BET1: variants seen among roughly 807,000 people sequenced by gnomAD.
BET1 encodes Bet1 golgi vesicular membrane trafficking protein.
BET1 carries 9 observed loss-of-function variants against 13.9 expected under a neutral mutation model. The ratio of observed to expected loss-of-function variants is 0.65; its 90% CI spans 0.39 to 1.13. BET1 has a LOEUF of 1.13. BET1 is among the 50% of genes most tolerant of loss of function. The probability of loss-of-function intolerance (pLI) is 0.01; values close to 1 mark genes in which losing one functional copy is unlikely to be tolerated. For synonymous variants in BET1, 39 were observed against 47.3 expected (o/e 0.82, Z 0.72); for missense variants, 127 against 133.6 (o/e 0.95, Z 0.24).
Position 93,971,032 on chromosome 7 carries a change from G to T in BET1, c.*137+1543C>A, listed in dbSNP as rs560620781. 2.6e-5 allele frequency among the ~76,000 whole-genome samples: 4 copies of T among 151,832 alleles called. No individual in the cohort carries two copies. In the South Asian group the frequency reaches 8.3e-4, roughly 31 times the overall value. The stretch of plus-strand genomic sequence containing the variant: ...ATTACTTATAATAGCAAGTACTGAA[G>T]ATTGTAATTTATGTTATTATGTTAT... On this transcript the variant is annotated intron_variant and NMD_transcript_variant, in intron 6 of 6. Transcript: ENST00000357520.
downstream of BET1, among the ~76,000 whole-genome samples, chr7:93,988,705 C>G (rs1449642730): frequency 6.6e-6 from 1 of 152,002 alleles, no homozygotes; most frequent in Admixed American, 6.6e-5. Context: ...TATTTTCATA[C>G]TGCCCATCTG....
At chr7:94,002,428 TCTC>T (rs931086045) in intron 1 of BET1, among the ~76,000 whole-genome samples, 10 of 146,936 alleles carry the variant, frequency 6.8e-5, no homozygotes, top group East Asian at 4.0e-4. Context: ...GGTAATTACT[TCTC>T]CTCTCAATCA....
chr7:93,995,370 C>T (rs937244383), intron 3 of BET1, among the ~76,000 whole-genome samples: 11 of 152,144 alleles, frequency 7.2e-5, no homozygotes, highest in African/African-American at 2.4e-4. Flanking sequence ...TTATAATATC[C>T]TGAGATGTAA....
At chr7:93,994,679 T>TA (rs962506733) in intron 3 of BET1, among the ~76,000 whole-genome samples, 1 of 152,124 alleles carries the variant, frequency 6.6e-6, no homozygotes, top group Non-Finnish European at 1.5e-5. Flanking sequence ...ATTATGTGGA[T>TA]AAAAAAAATT....
downstream of BET1, among the ~76,000 whole-genome samples, chr7:93,990,867 T>G (rs1294425010): frequency 1.3e-5 from 2 of 152,134 alleles, no homozygotes; most frequent in African/African-American, 4.8e-5. Flanking sequence ...ATTTTATGCT[T>G]ATTTCTTTCT....
At chr7:93,988,992 AAT>A (rs1195581232), downstream of BET1, among the ~76,000 whole-genome samples, 10 of 147,302 alleles carry the variant, frequency 6.8e-5, no homozygotes, top group South Asian at 1.5e-3. Context: ...AAATATATAA[AAT>A]ATATATATAT....
downstream of BET1, among the ~76,000 whole-genome samples, chr7:93,989,092 C>A (rs1418209279): frequency 6.6e-6 from 1 of 151,518 alleles, no homozygotes; most frequent in Non-Finnish European, 1.5e-5. Flanking sequence ...CGGCTCACTG[C>A]AACCTCTGCC....
At chr7:93,981,963 G>A (rs1004848499) in intron 4 of BET1, among the ~76,000 whole-genome samples, 13 of 152,126 alleles carry the variant, frequency 8.5e-5, no homozygotes, top group Non-Finnish European at 1.2e-4. Flanking sequence ...GTGGATAGGC[G>A]AAGCTGAGTA....
chr7:93,968,569 A>G (rs1795211218), intron 6 of BET1, among the ~76,000 whole-genome samples: 1 of 151,748 alleles, frequency 6.6e-6, no homozygotes, highest in Non-Finnish European at 1.5e-5. Flanking sequence ...GCTTTATAAT[A>G]ATCCTCAGAG....
intron 1 of BET1, 42 bp from the exon 2 acceptor site, chr7:93,999,336 C>T (rs1256461676): frequency 1.9e-6 from 3 of 1,562,512 alleles, no homozygotes; most frequent in Non-Finnish European, 1.7e-6. Context: ...AGAGAAGCCA[C>T]TTTTGAAACA....
At chr7:93,997,282 T>G (rs1461904501) in intron 2 of BET1, among the ~76,000 whole-genome samples, 1 of 152,160 alleles carries the variant, frequency 6.6e-6, no homozygotes, top group African/African-American at 2.4e-5. Context: ...TAGAATTCTA[T>G]AGATCAGAAC....
intron 5 of BET1, among the ~76,000 whole-genome samples, chr7:93,974,778 G>T (rs1368621338): frequency 6.6e-6 from 1 of 151,750 alleles, no homozygotes; most frequent in Non-Finnish European, 1.5e-5. Flanking sequence ...AGTTTGAGGA[G>T]AAATAATATT....
chr7:93,971,068 G>T (rs1795252316), intron 6 of BET1, among the ~76,000 whole-genome samples: 1 of 151,704 alleles, frequency 6.6e-6, no homozygotes. Context: ...TAAGCAAATT[G>T]CCTGACAGAA....
intron 6 of BET1, among the ~76,000 whole-genome samples, chr7:93,967,803 T>C (rs1795198346): frequency 6.6e-6 from 1 of 151,770 alleles, no homozygotes; most frequent in South Asian, 2.1e-4. Flanking sequence ...TAGAATCCAG[T>C]TCTATTTGTG....
intron 2 of BET1, among the ~76,000 whole-genome samples, chr7:93,997,089 T>C (rs1795787734): frequency 6.6e-6 from 1 of 152,148 alleles, no homozygotes; most frequent in Non-Finnish European, 1.5e-5. Flanking sequence ...ATACTATAGC[T>C]AATTATGACA....
At chr7:93,999,093 A>G in intron 2 of BET1, 77 bp downstream of exon 2, 2 of 1,132,240 alleles carry the variant, frequency 1.8e-6, no homozygotes, top group Admixed American at 3.1e-5. Context: ...GATGACGTCA[A>G]TAAGAATATA....
chr7:93,990,039 T>A (rs1462079243), downstream of BET1, among the ~76,000 whole-genome samples: 1 of 152,080 alleles, frequency 6.6e-6, no homozygotes, highest in Non-Finnish European at 1.5e-5. Context: ...TTGTCTTGTG[T>A]GTGAACAAAA....
At chr7:93,973,303 C>A (rs905902376) in intron 5 of BET1, among the ~76,000 whole-genome samples, 32 of 151,838 alleles carry the variant, frequency 2.1e-4, no homozygotes, top group African/African-American at 7.5e-4. Flanking sequence ...TTTTAGATCT[C>A]CTATAGCTGT....
chr7:93,990,599 A>G (rs1795613533), downstream of BET1, among the ~76,000 whole-genome samples: 1 of 152,296 alleles, frequency 6.6e-6, no homozygotes, highest in Non-Finnish European at 1.5e-5. Context: ...TCGATCTTTG[A>G]GAAAACATAG....
Sources: gnomAD v4.1 joint callset for allele counts (sites outside exome capture counted in the v4.1 genomes callset) on GRCh38, gnomAD v4.1.1 for gene constraint, MANE v1.5 for transcripts, NCBI Gene and HGNC (gene_info 2026-07-23, HGNC 2026-07-21) for gene names.